The following MAL2 variants were observed in gnomAD, a reference collection of about 807,000 sequenced individuals.
MAL2 encodes mal, T cell differentiation protein 2.
Under a neutral mutation model 18.1 loss-of-function variants are expected in MAL2, and 17 were observed. That is an observed-to-expected ratio of 0.94 (90% CI 0.64 to 1.41). MAL2 has a LOEUF of 1.41. MAL2 is among the 40% of genes most tolerant of loss of function. MAL2 has a pLI of 0.00. For synonymous variants in MAL2, 102 were observed against 102.3 expected (o/e 1.00, Z 0.02); for missense variants, 222 against 231.9 (o/e 0.96, Z 0.28).
At chr8:119,209,922 T>C (rs1409247401) in intron 1 of MAL2, among the ~76,000 whole-genome samples, 2 of 151,990 alleles carry the variant, frequency 1.3e-5, no homozygotes, top group African/African-American at 2.4e-5. Context: ...GACGATGGCA[T>C]TGGGCTGGCT....
In MAL2 at chr8:119,245,381, A is replaced by G. The variant is rs1041864126; in HGVS notation, c.*1893A>G. ...GCAGGCTTATGTTTGGTGGCATTAA[A>G]TTGGTTTCTTTAAAATGCTTTGGTG... is the stretch of plus-strand genomic sequence containing the variant. On this transcript the variant is annotated 3_prime_UTR_variant, in exon 4 of 4. Coordinates refer to ENST00000614891, the MANE Select transcript of MAL2 (RefSeq NM_052886.3). 1 of 152,546 alleles carries G rather than the reference A, an allele frequency of 6.6e-6. No homozygotes were observed. The highest frequency in any genetic ancestry group is 2.4e-5 in the African/African-American group (1 of 41,436). The allele number at this position is 152,546 out of a possible 1,614,324, so 9.4% of individuals were successfully genotyped here.
chr8:119,242,834 T>C (rs1818074199), intron 3 of MAL2, among the ~76,000 whole-genome samples: 2 of 152,342 alleles, frequency 1.3e-5, no homozygotes, highest in South Asian at 4.1e-4. Context: ...TTTGTTTATA[T>C]GTACCAAGTA....
intron 3 of MAL2, among the ~76,000 whole-genome samples, chr8:119,240,691 A>G (rs1354504876): frequency 6.6e-6 from 1 of 152,108 alleles, no homozygotes; most frequent in African/African-American, 2.4e-5. Context: ...GCTGCTTGCA[A>G]TTTATTTCTA....
chr8:119,232,147 A>G (rs1817745151), intron 2 of MAL2, among the ~76,000 whole-genome samples: 1 of 152,044 alleles, frequency 6.6e-6, no homozygotes, highest in African/African-American at 2.4e-5. Flanking sequence ...CCACTTAGCC[A>G]TCCCACAATG....
In MAL2 at chr8:119,225,656, A is replaced by G. The variant is rs549637816; in HGVS notation, c.303+3899A>G. On this transcript the variant is annotated intron_variant, in intron 2 of 3. Coordinates refer to ENST00000614891, the MANE Select transcript of MAL2 (RefSeq NM_052886.3). ...ACCCAGTAATGGGATGGCTGGGTCA[A>G]ATGGTATTCCTAGTTCTAGATCCCT... Among the ~76,000 whole-genome samples, 118 of 152,326 alleles carry G rather than the reference A, an allele frequency of 7.7e-4. 1 individual carries two copies. Among genetic ancestry groups the G allele is most frequent in the African/African-American group, 2.5e-3 (106 of 41,574 alleles).
chr8:119,208,499 G>T lies in MAL2; in HGVS notation c.27G>T (p.Pro9=). The T allele has an allele frequency of 1.5e-6, 2 of 1,306,260 alleles. No individual in the cohort carries two copies. The highest frequency in any genetic ancestry group is 2.3e-5 in the South Asian group (1 of 42,946). The allele number at this position is 1,306,260 out of a possible 1,614,324, so 80.9% of individuals were successfully genotyped here. A position where few individuals can be genotyped will look rare whatever the true frequency, so the allele number is the denominator to read the frequency against. The part of the protein sequence containing the change: MSAGGASV[P]PPPNPAVSFP... Reference sequence around the variant, plus strand: ...TGTCGGCCGGCGGAGCGTCAGTCCCGCCGCCCCCGAACCCCGCCGTGTCCT... The same window carrying T: ...TGTCGGCCGGCGGAGCGTCAGTCCCTCCGCCCCCGAACCCCGCCGTGTCCT... Residue 9 remains proline, a synonymous_variant, in exon 1 of 4, where the codon CCG becomes CCT. Coordinates refer to ENST00000614891, the MANE Select transcript of MAL2 (RefSeq NM_052886.3). The surrounding 1 kb of genome is among the most constrained non-coding windows in gnomAD (Gnocchi z 4.3).
chr8:119,234,239 C>G (rs1225385680), intron 2 of MAL2, among the ~76,000 whole-genome samples: 3 of 152,200 alleles, frequency 2.0e-5, no homozygotes, highest in Non-Finnish European at 4.4e-5. Context: ...CCGAATATTG[C>G]ACTTTTCAGA....
chr8:119,212,307 AG>A (rs1817279836), intron 1 of MAL2, among the ~76,000 whole-genome samples: 1 of 152,238 alleles, frequency 6.6e-6, no homozygotes, highest in South Asian at 2.1e-4. Context: ...TTGCAGTTTT[AG>A]TGTTTAAGAA....
At position 119,244,269 on chromosome 8, in the gene MAL2, AAT is replaced by A. The variant is rs1226208134; in HGVS notation, c.*783_*784del. 1 of 152,186 alleles carries A rather than the reference AAT, an allele frequency of 6.6e-6. No homozygotes were observed. Among genetic ancestry groups the A allele is most frequent in the African/African-American group, 2.4e-5 (1 of 41,462 alleles). 9.4% of individuals were successfully genotyped at this position (152,186 alleles called of 1,614,324 possible). A position where few individuals can be genotyped will look rare whatever the true frequency, so the allele number is the denominator to read the frequency against. On this transcript the variant is annotated 3_prime_UTR_variant, in exon 4 of 4. Coordinates refer to ENST00000614891, the MANE Select transcript of MAL2 (RefSeq NM_052886.3). The stretch of plus-strand genomic sequence containing the variant: ...CACATTGCCTTTGTGTTAATAGTCA[AAT>A]ACTTACCTTTGGAGAATACTTACCT...
chr8:119,223,081 A>G (rs1432119244), intron 2 of MAL2, among the ~76,000 whole-genome samples: 1 of 152,150 alleles, frequency 6.6e-6, no homozygotes, highest in African/African-American at 2.4e-5. Context: ...CTTTATATAT[A>G]TTCCTTTCAA....
chr8:119,240,057 T>A lies in MAL2; in HGVS notation c.304-108T>A, dbSNP rs547641502. On this transcript the variant is annotated intron_variant, in intron 2 of 3. Transcript: ENST00000614891. ...GCTTAACAGTGAATATAGTTAAGAT[T>A]GTTTAATTAAATGTTTTGATCTTGC... 42 of 1,172,872 alleles carry A rather than the reference T, an allele frequency of 3.6e-5. No individual in the cohort carries two copies. The East Asian group carries it at 1.0e-3, about 29-fold the overall frequency. 72.7% of individuals were successfully genotyped at this position (1,172,872 alleles called of 1,614,324 possible). A position where few individuals can be genotyped will look rare whatever the true frequency, so the allele number is the denominator to read the frequency against.
At chr8:119,243,220 G>C (rs1014227839) in intron 3 of MAL2, among the ~76,000 whole-genome samples, 197 bp from the exon 4 acceptor site, 2 of 151,974 alleles carry the variant, frequency 1.3e-5, no homozygotes, top group African/African-American at 4.8e-5. Flanking sequence ...TTAAAGGAAG[G>C]GGGGAGGGTA....
chr8:119,217,795 C>A (rs1240977136), intron 1 of MAL2, among the ~76,000 whole-genome samples: 1 of 152,102 alleles, frequency 6.6e-6, no homozygotes, highest in Non-Finnish European at 1.5e-5. Flanking sequence ...AATATGGCCA[C>A]CTCCAGAGTC....
At chr8:119,239,368 G>A (rs368299757) in intron 2 of MAL2, among the ~76,000 whole-genome samples, 9 of 151,796 alleles carry the variant, frequency 5.9e-5, no homozygotes, top group Admixed American at 1.3e-4. Context: ...TCAGTGTGGC[G>A]ATTCCTCAGG....
At chr8:119,226,380 A>G (rs921995061) in intron 2 of MAL2, among the ~76,000 whole-genome samples, 1 of 151,612 alleles carries the variant, frequency 6.6e-6, no homozygotes, top group African/African-American at 2.4e-5. Context: ...TCCCAGAACC[A>G]TTTATTCAAT....
At chr8:119,232,377 TAATA>T (rs1227706469) in intron 2 of MAL2, among the ~76,000 whole-genome samples, 1 of 152,104 alleles carries the variant, frequency 6.6e-6, no homozygotes, top group Non-Finnish European at 1.5e-5. Flanking sequence ...AAAATGGAGA[TAATA>T]AATGATGGTT....
chr8:119,243,592 T>G lies in MAL2; in HGVS notation c.*104T>G. ...TCCAGATGCAAAAACATTCCAAAAGTAATGTGTTTAGTAGAGAGAGACTCT... is the reference window on the plus strand; with the variant it reads ...TCCAGATGCAAAAACATTCCAAAAGGAATGTGTTTAGTAGAGAGAGACTCT... On this transcript the variant is annotated 3_prime_UTR_variant, in exon 4 of 4. Coordinates refer to ENST00000614891, the MANE Select transcript of MAL2 (RefSeq NM_052886.3). 3 of 977,806 alleles carry G rather than the reference T, an allele frequency of 3.1e-6. No homozygotes were observed. Among genetic ancestry groups the G allele is most frequent in the Non-Finnish European group, 4.4e-6 (3 of 682,392 alleles). The allele number at this position is 977,806 out of a possible 1,614,324, so 60.6% of individuals were successfully genotyped here. A position where few individuals can be genotyped will look rare whatever the true frequency, so the allele number is the denominator to read the frequency against.
chr8:119,215,202 G>C (rs1372044171), intron 1 of MAL2: 4 of 152,132 alleles, frequency 2.6e-5, no homozygotes, highest in Admixed American at 2.0e-4. Context: ...GGTACTAGGT[G>C]GTGGGTGTCA....
chr8:119,228,923 G>A (rs1817651350), intron 2 of MAL2, among the ~76,000 whole-genome samples: 1 of 152,156 alleles, frequency 6.6e-6, no homozygotes, highest in Non-Finnish European at 1.5e-5. Context: ...GGAGCTCAGA[G>A]TTGGTCTCTG....
Sources: allele counts gnomAD v4.1 joint callset (sites outside exome capture counted in the v4.1 genomes callset), GRCh38; gene constraint gnomAD v4.1.1; non-coding constraint Gnocchi (gnomAD v3.1); transcripts MANE v1.5; gene names NCBI Gene and HGNC (gene_info 2026-07-23, HGNC 2026-07-21).